Variants in PDE4B observed in about 807,000 individuals in gnomAD.
The protein encoded by PDE4B is 3',5'-cyclic-AMP phosphodiesterase 4B.
PDE4B carries 20 observed loss-of-function variants against 82.2 expected under a neutral mutation model. The observed-to-expected ratio is 0.24, with a 90% confidence interval of 0.17 to 0.35. PDE4B has a LOEUF of 0.35. Ranked by LOEUF, PDE4B falls within the 10% of genes least tolerant of loss-of-function variation. The probability of loss-of-function intolerance (pLI) is 1.00; values close to 1 mark genes in which losing one functional copy is unlikely to be tolerated. For missense variants in PDE4B, 655 were observed against 907.2 expected, an observed-to-expected ratio of 0.72 and a Z score of 3.57; for synonymous variants, 320 against 318.9, an observed-to-expected ratio of 1.00 and a Z score of -0.04.
At chr1:65,982,422 G>T (rs1278206351) in intron 3 of PDE4B, among the ~76,000 whole-genome samples, 1 of 152,132 alleles carries the variant, frequency 6.6e-6, no homozygotes, top group East Asian at 1.9e-4. Flanking sequence ...AGAGTGTGAA[G>T]ACTGGAAAAA....
chr1:66,321,937 A>G (rs927752208), intron 7 of PDE4B, among the ~76,000 whole-genome samples: 2 of 152,228 alleles, frequency 1.3e-5, no homozygotes, highest in African/African-American at 4.8e-5. Flanking sequence ...ACAAGGCTAC[A>G]GTAACCAAAA....
At chr1:66,116,478 A>G (rs803227) in intron 3 of PDE4B, among the ~76,000 whole-genome samples, 2 of 151,924 alleles carry the variant, frequency 1.3e-5, no homozygotes, top group African/African-American at 4.8e-5. Flanking sequence ...ATCATACAGC[A>G]TAGTCACATC....
In PDE4B at chr1:66,361,524, A is replaced by G. The variant is rs899260278; in HGVS notation, c.842-91A>G. ...AAGATTTTATTTTATAAGATTCTAAAGCTGTTATAGATGGTTAGAGTTGTT... is the reference window on the plus strand; with the variant it reads ...AAGATTTTATTTTATAAGATTCTAAGGCTGTTATAGATGGTTAGAGTTGTT... On this transcript the variant is annotated intron_variant, in intron 9 of 16. Coordinates refer to ENST00000341517, the MANE Select transcript of PDE4B (RefSeq NM_002600.4). The G allele has an allele frequency of 2.8e-4, 261 of 935,852 alleles. 1 individual carries two copies. The highest frequency in any genetic ancestry group is 3.9e-4 in the Non-Finnish European group (242 of 617,694). 58.0% of individuals were successfully genotyped at this position (935,852 alleles called of 1,614,324 possible).
chr1:65,802,637 T>C (rs1252974320), intron 1 of PDE4B, among the ~76,000 whole-genome samples: 2 of 152,222 alleles, frequency 1.3e-5, no homozygotes, highest in African/African-American at 4.8e-5. Flanking sequence ...GAAACCACTA[T>C]TGTCATTGCA....
chr1:66,348,067 C>T (rs1250021568), intron 8 of PDE4B, among the ~76,000 whole-genome samples: 1 of 152,134 alleles, frequency 6.6e-6, no homozygotes, highest in East Asian at 1.9e-4. Context: ...TGGGTCTGAT[C>T]CACAGTAAGT....
chr1:66,090,616 A>ATATATAT (rs200925983), intron 3 of PDE4B, among the ~76,000 whole-genome samples: 1 of 89,916 alleles, frequency 1.1e-5, no homozygotes, highest in Admixed American at 1.2e-4. Flanking sequence ...ATATGTATAT[A>ATATATAT]ATATATGTGT....
intron 13 of PDE4B, among the ~76,000 whole-genome samples, chr1:66,367,307 A>G (rs545162881): frequency 2.6e-5 from 4 of 152,336 alleles, no homozygotes; most frequent in African/African-American, 9.6e-5. Context: ...AAGTCTCAAT[A>G]CAATTCATAA....
chr1:66,128,804 A>G (rs1645875296), intron 3 of PDE4B, among the ~76,000 whole-genome samples: 2 of 152,236 alleles, frequency 1.3e-5, no homozygotes, highest in Admixed American at 1.3e-4. Flanking sequence ...GCAGCAGGCA[A>G]GAGTGAAAAT....
chr1:65,973,091 GA>G (rs974017571), intron 3 of PDE4B, among the ~76,000 whole-genome samples: 2 of 151,640 alleles, frequency 1.3e-5, no homozygotes, highest in South Asian at 2.1e-4. Context: ...ACAATATTAG[GA>G]AAAAAAATCA....
chr1:66,334,468 C>T (rs763465543), intron 8 of PDE4B, among the ~76,000 whole-genome samples: 12 of 152,172 alleles, frequency 7.9e-5, no homozygotes, highest in Non-Finnish European at 1.2e-4. Context: ...TCTGTAGACA[C>T]GGGTGAGGAT....
intron 3 of PDE4B, among the ~76,000 whole-genome samples, chr1:65,941,403 G>T (rs1407619198): frequency 6.6e-6 from 1 of 152,046 alleles, no homozygotes; most frequent in African/African-American, 2.4e-5. Flanking sequence ...CAAACAGGCA[G>T]CTGGACCTTT....
At chr1:66,006,160 C>G (rs1427539771) in intron 3 of PDE4B, among the ~76,000 whole-genome samples, 3 of 152,154 alleles carry the variant, frequency 2.0e-5, no homozygotes, top group Admixed American at 6.5e-5. Context: ...TTGCCAAGTA[C>G]TTAGTTATCT....
chr1:66,042,319 T>C (rs1654432316), intron 3 of PDE4B, among the ~76,000 whole-genome samples: 1 of 151,866 alleles, frequency 6.6e-6, no homozygotes, highest in African/African-American at 2.4e-5. Flanking sequence ...TAATTTATAA[T>C]ATATTTCAAC....
At chr1:65,912,473 G>A (rs1259693421) in intron 1 of PDE4B, among the ~76,000 whole-genome samples, 1 of 151,958 alleles carries the variant, frequency 6.6e-6, no homozygotes, top group Non-Finnish European at 1.5e-5. Flanking sequence ...CTTAAATTCT[G>A]GTAGTGTTAT....
chr1:66,164,330 T>G (rs751555273), intron 3 of PDE4B, among the ~76,000 whole-genome samples: 1 of 150,738 alleles, frequency 6.6e-6, no homozygotes, highest in South Asian at 2.1e-4. Flanking sequence ...AGGTCAGGAG[T>G]TCGAAACCAG....
At chr1:66,103,310 C>T (rs1200958083) in intron 3 of PDE4B, among the ~76,000 whole-genome samples, 4 of 152,106 alleles carry the variant, frequency 2.6e-5, no homozygotes, top group African/African-American at 9.7e-5. Flanking sequence ...TGCAATAAAA[C>T]TGATGCTGAA....
chr1:66,328,338 A>G lies in PDE4B; in HGVS notation c.635-4170A>G, dbSNP rs1010175484. Among the ~76,000 whole-genome samples the G allele has an allele frequency of 5.3e-5, 8 of 152,250 alleles. No individual in the cohort carries two copies. In the East Asian group the frequency reaches 1.2e-3, roughly 22 times the overall value. ...GAAAGCGAAGTTCAACTGCATGACCATACATGGTCCCATGACCTACTCTTA... is the reference window on the plus strand; with the variant it reads ...GAAAGCGAAGTTCAACTGCATGACCGTACATGGTCCCATGACCTACTCTTA... On this transcript the variant is annotated intron_variant, in intron 7 of 16. Coordinates refer to ENST00000341517, the MANE Select transcript of PDE4B (RefSeq NM_002600.4).
intron 3 of PDE4B, among the ~76,000 whole-genome samples, chr1:66,139,752 A>C (rs969705100): frequency 2.2e-4 from 27 of 124,336 alleles, no homozygotes; most frequent in African/African-American, 7.9e-4. Flanking sequence ...AAAAAAAAAA[A>C]CAAAAAACAA....
chr1:66,020,600 A>G (rs1363699548), intron 3 of PDE4B, among the ~76,000 whole-genome samples: 1 of 152,146 alleles, frequency 6.6e-6, no homozygotes, highest in African/African-American at 2.4e-5. Flanking sequence ...TTTGCTGAGA[A>G]TGATGGTTTC....
Sources: gnomAD v4.1 joint callset for allele counts (sites outside exome capture counted in the v4.1 genomes callset) on GRCh38, gnomAD v4.1.1 for gene constraint, MANE v1.5 for transcripts, NCBI Gene and HGNC (gene_info 2026-07-23, HGNC 2026-07-21) for gene names.